CDK5RAP2: variants seen among roughly 807,000 people sequenced by gnomAD.
CDK5RAP2 encodes CDK5 regulatory subunit-associated protein 2.
A neutral mutation model predicts 232.9 loss-of-function variants in CDK5RAP2; 147 were observed. That is an observed-to-expected ratio of 0.63 (90% CI 0.55 to 0.72). CDK5RAP2 has a LOEUF of 0.72. CDK5RAP2 is among the 30% of genes least tolerant of loss of function. The pLI is 0.00. For missense variants in CDK5RAP2, 2,195 were observed against 2,231.5 expected (o/e 0.98, Z 0.33); for synonymous variants, 833 against 833.7 (o/e 1.00, Z 0.01).
At chr9:120,458,869 C>A (rs1468223689) in intron 19 of CDK5RAP2, among the ~76,000 whole-genome samples, 1 of 152,196 alleles carries the variant, frequency 6.6e-6, no homozygotes, top group East Asian at 1.9e-4. Context: ...GTTTACATCA[C>A]TTCTCCTCAC....
At chr9:120,400,616 T>C in intron 35 of CDK5RAP2, 126 bp downstream of exon 35, 1 of 1,154,320 alleles carries the variant, frequency 8.7e-7, no homozygotes, top group Non-Finnish European at 1.3e-6. Flanking sequence ...AACGGTGCCA[T>C]CTCCTCCCTA....
chr9:120,453,885 A>C lies in CDK5RAP2; in HGVS notation c.2376-12T>G, dbSNP rs1476345384. ...TCAGAAGGTCTGGCCTGTTTTTCCA[A>C]AAGGGAAGGAAGTGGGAGAACCAAG... is the stretch of plus-strand genomic sequence containing the variant. On this transcript the variant is annotated splice_polypyrimidine_tract_variant and intron_variant, in intron 20 of 37. Transcript: ENST00000349780. The C allele has an allele frequency of 6.2e-7, 1 of 1,613,784 alleles. No homozygotes were observed. The highest frequency in any genetic ancestry group is 1.7e-5 in the Admixed American group (1 of 59,996).
intron 18 of CDK5RAP2, among the ~76,000 whole-genome samples, chr9:120,464,086 T>C (rs1011805689): frequency 1.1e-4 from 17 of 152,192 alleles, no homozygotes; most frequent in African/African-American, 2.9e-4. Flanking sequence ...ATGGGACTCA[T>C]AGGAAGTTCT....
intron 25 of CDK5RAP2, among the ~76,000 whole-genome samples, chr9:120,425,801 C>T (rs967668767): frequency 6.6e-6 from 1 of 152,204 alleles, no homozygotes; most frequent in African/African-American, 2.4e-5. Context: ...ATTTACAGTG[C>T]TCCACTCAGG....
At chr9:120,404,933 C>T (rs2033331805) in intron 32 of CDK5RAP2, among the ~76,000 whole-genome samples, 1 of 152,182 alleles carries the variant, frequency 6.6e-6, no homozygotes, top group Non-Finnish European at 1.5e-5. Flanking sequence ...GCAAAACACA[C>T]TGTAATTCAG....
intron 25 of CDK5RAP2, among the ~76,000 whole-genome samples, chr9:120,436,866 T>A (rs561757622): frequency 1.8e-4 from 27 of 152,290 alleles, no homozygotes; most frequent in Admixed American, 5.2e-4. Flanking sequence ...TTTTAACTGA[T>A]AAAAATTTTG....
At chr9:120,408,668 C>T (rs1177864947) in intron 30 of CDK5RAP2, among the ~76,000 whole-genome samples, 200 bp from the exon 31 acceptor site, 4 of 152,200 alleles carry the variant, frequency 2.6e-5, no homozygotes, top group Admixed American at 1.3e-4. Flanking sequence ...CTTCCCATGC[C>T]ACTCAGAGGA....
At chr9:120,557,682 C>G (rs2042282311) in intron 3 of CDK5RAP2, among the ~76,000 whole-genome samples, 1 of 151,810 alleles carries the variant, frequency 6.6e-6, no homozygotes. Flanking sequence ...TCACTTGAGG[C>G]CAGGAGGTCG....
chr9:120,390,562 G>T (rs1460560590), intron 36 of CDK5RAP2, among the ~76,000 whole-genome samples: 2 of 152,234 alleles, frequency 1.3e-5, no homozygotes. Flanking sequence ...GTAAAGGTGG[G>T]TCTTCCTTCA....
intron 14 of CDK5RAP2, among the ~76,000 whole-genome samples, chr9:120,481,893 A>G (rs2038338035): frequency 6.6e-6 from 1 of 152,198 alleles, no homozygotes; most frequent in Non-Finnish European, 1.5e-5. Flanking sequence ...AAATGAGTTA[A>G]TCCAGACAAA....
chr9:120,418,315 T>C (rs868110620), intron 27 of CDK5RAP2, among the ~76,000 whole-genome samples: 19 of 151,982 alleles, frequency 1.3e-4, no homozygotes, highest in Admixed American at 1.2e-3. Context: ...TAGAACAAGG[T>C]TGGGGTGGTG....
rs112089011 is a variant in CDK5RAP2, at chr9:120,450,648, G to T, written c.2794-2522C>A. 1.4e-3 allele frequency among the ~76,000 whole-genome samples: 219 copies of T among 152,088 alleles called. 1 individual carries two copies. The highest frequency in any genetic ancestry group is 5.1e-3 in the African/African-American group (212 of 41,480). ...CTCTTAAGAAGGAAAGAAGAGTAAG[G>T]GCCCCTTCTTGAACATTCTAGGATA... is the stretch of plus-strand genomic sequence containing the variant. On this transcript the variant is annotated intron_variant, in intron 21 of 37. Transcript: ENST00000349780.
intron 32 of CDK5RAP2, 119 bp downstream of exon 32, chr9:120,406,893 T>C (rs1248133960): frequency 2.7e-5 from 21 of 788,072 alleles, no homozygotes; most frequent in Admixed American, 2.3e-4. Flanking sequence ...GGGTACAGCA[T>C]GTCAGCTATC....
At chr9:120,396,332 C>G (rs963719598) in intron 35 of CDK5RAP2, among the ~76,000 whole-genome samples, 1 of 152,250 alleles carries the variant, frequency 6.6e-6, no homozygotes, top group African/African-American at 2.4e-5. Flanking sequence ...AGGACAAAGT[C>G]TCTCTACAGT....
At chr9:120,564,908 CG>C (rs1472888756) in intron 3 of CDK5RAP2, among the ~76,000 whole-genome samples, 3 of 152,146 alleles carry the variant, frequency 2.0e-5, no homozygotes. Context: ...ATGCTGCCTC[CG>C]CAAGGCCTCC....
In CDK5RAP2 at chr9:120,570,699, T is replaced by C. The variant is rs113853889; in HGVS notation, c.127+1275A>G. Among the ~76,000 whole-genome samples the C allele has an allele frequency of 6.2e-3, 949 of 151,886 alleles. 11 individuals carry two copies. The highest frequency in any genetic ancestry group is 0.021 in the African/African-American group (883 of 41,384). On this transcript the variant is annotated intron_variant, in intron 2 of 37. Coordinates refer to ENST00000349780, the MANE Select transcript of CDK5RAP2 (RefSeq NM_018249.6). ...ACTAAAAATACAAAAATTAGCTGGG[T>C]GTGGTGGCACGTGCCTGTAATCCCA...
chr9:120,579,898 A>C (rs1587954868), intron 1 of CDK5RAP2, 22 bp downstream of exon 1: 1 of 1,604,992 alleles, frequency 6.2e-7, no homozygotes, highest in Non-Finnish European at 8.5e-7. Flanking sequence ...GGTTACCACG[A>C]CCACCAATGC....
At position 120,506,318 on chromosome 9, in the gene CDK5RAP2, A is replaced by C. The variant is rs190106163; in HGVS notation, c.1311+12109T>G. On this transcript the variant is annotated intron_variant, in intron 12 of 37. Transcript: ENST00000349780. The stretch of plus-strand genomic sequence containing the variant: ...TGTTGAGACCTACTGTTCAGAAACA[A>C]AGATTCCTTTAAAAATATTACTGCT... Among the ~76,000 whole-genome samples the C allele has an allele frequency of 1.8e-3, 271 of 152,352 alleles. 1 individual carries two copies. The highest frequency in any genetic ancestry group is 6.3e-3 in the African/African-American group (261 of 41,576).
chr9:120,529,742 A>C (rs1320174439), intron 8 of CDK5RAP2, among the ~76,000 whole-genome samples: 1 of 152,230 alleles, frequency 6.6e-6, no homozygotes, highest in Non-Finnish European at 1.5e-5. Context: ...AAACAGAGGT[A>C]AGCAGGTAGG....
Sources: gnomAD v4.1 joint callset for allele counts (sites outside exome capture counted in the v4.1 genomes callset) on GRCh38, gnomAD v4.1.1 for gene constraint, MANE v1.5 for transcripts, NCBI Gene and HGNC (gene_info 2026-07-23, HGNC 2026-07-21) for gene names.